The following MFSD6 variants were observed in gnomAD, a reference collection of about 807,000 sequenced individuals.
MFSD6 encodes major facilitator superfamily domain-containing protein 6.
Under a neutral mutation model 56.3 loss-of-function variants are expected in MFSD6, and 26 were observed. The ratio of observed to expected loss-of-function variants is 0.46; its 90% CI spans 0.34 to 0.64. The LOEUF (loss-of-function observed/expected upper bound fraction) is 0.64, where lower values mean the gene tolerates loss of function less well. Ranked by LOEUF, MFSD6 falls within the 30% of genes least tolerant of loss-of-function variation. The pLI is 0.01. For synonymous variants in MFSD6, 331 were observed against 366.9 expected, an observed-to-expected ratio of 0.90 and a Z score of 1.12; for missense variants, 750 against 986.2, an observed-to-expected ratio of 0.76 and a Z score of 3.21.
rs904695982 is a variant in MFSD6, at chr2:190,413,379, G to A, written c.-175-1913G>A. The stretch of plus-strand genomic sequence containing the variant: ...GAGATGTGGAAAAAAATTGAATTAA[G>A]GGGGGCAGAGATGTCTTTCTTTGAC... On this transcript the variant is annotated intron_variant, in intron 1 of 7. Transcript: ENST00000392328. The surrounding 1 kb of genome is among the most constrained non-coding windows in gnomAD (Gnocchi z 4.1). Among the ~76,000 whole-genome samples the A allele has an allele frequency of 2.6e-5, 4 of 152,180 alleles. No individual in the cohort carries two copies. The highest frequency in any genetic ancestry group is 2.6e-4 in the Admixed American group (4 of 15,286).
At chr2:190,468,084 T>G (rs1687700179) in intron 3 of MFSD6, among the ~76,000 whole-genome samples, 1 of 152,216 alleles carries the variant, frequency 6.6e-6, no homozygotes, top group Non-Finnish European at 1.5e-5. Context: ...TAGTATATTT[T>G]GCATTTTAAT....
intron 4 of MFSD6, among the ~76,000 whole-genome samples, chr2:190,474,679 C>A (rs1240496032): frequency 6.6e-6 from 1 of 152,168 alleles, no homozygotes; most frequent in Non-Finnish European, 1.5e-5. Context: ...CTATTCCAAT[C>A]AAGAGAAAAA....
In MFSD6 at chr2:190,413,551, A is replaced by C. The variant is rs529647504; in HGVS notation, c.-175-1741A>C. Among the ~76,000 whole-genome samples the C allele has an allele frequency of 6.6e-6, 1 of 152,276 alleles. No homozygotes were observed. The highest frequency in any genetic ancestry group is 2.4e-5 in the African/African-American group (1 of 41,572). On this transcript the variant is annotated intron_variant, in intron 1 of 7. Transcript: ENST00000392328. The surrounding 1 kb of genome is among the most constrained non-coding windows in gnomAD (Gnocchi z 4.1). ...ACCAAGAGTGGGATGGGGGAAAGAC[A>C]GGGAAAGACAGGGACACTATGAATC... is the stretch of plus-strand genomic sequence containing the variant.
rs1327808255 is a variant in MFSD6 at position 190,439,570 on chromosome 2, A to G, written c.1532+2009A>G. On this transcript the variant is annotated intron_variant, in intron 3 of 7. Coordinates refer to ENST00000392328, the MANE Select transcript of MFSD6 (RefSeq NM_017694.4). The surrounding 1 kb of genome is among the most constrained non-coding windows in gnomAD (Gnocchi z 5.8). ...ATGATAAAATCCTAGTGGGTTTACT[A>G]CTCCTTTGGTAAGCTTAGACTTGTG... Among the ~76,000 whole-genome samples the G allele has an allele frequency of 6.6e-6, 1 of 151,926 alleles. No homozygotes were observed. Among genetic ancestry groups the G allele is most frequent in the Non-Finnish European group, 1.5e-5 (1 of 68,000 alleles).
In MFSD6 at chr2:190,431,832, T is replaced by G. The variant is rs1686014540; in HGVS notation, c.-53-4145T>G. 6.6e-6 allele frequency among the ~76,000 whole-genome samples: 1 copy of G among 152,274 alleles called. No individual in the cohort carries two copies. The highest frequency in any genetic ancestry group is 2.4e-5 in the African/African-American group (1 of 41,480). On this transcript the variant is annotated intron_variant, in intron 2 of 7. Coordinates refer to ENST00000392328, the MANE Select transcript of MFSD6 (RefSeq NM_017694.4). This position sits in a 1 kb window ranked among gnomAD's most constrained non-coding sequence, Gnocchi z 4.4. ...TCATCTCAATTTTTCATTTATGCTA[T>G]AATACTTATAAATTCCAGAGCTTTT...
intron 3 of MFSD6, among the ~76,000 whole-genome samples, chr2:190,445,099 T>G (rs564950701): frequency 6.6e-6 from 1 of 152,302 alleles, no homozygotes; most frequent in South Asian, 2.1e-4. Context: ...TCCATCCTGC[T>G]TGTGCTCCTT....
In MFSD6 at chr2:190,459,053, C is replaced by T. The variant is rs773599036; in HGVS notation, c.1533-10705C>T. Among the ~76,000 whole-genome samples, 3 of 152,202 alleles carry T rather than the reference C, an allele frequency of 2.0e-5. No homozygotes were observed. The highest frequency in any genetic ancestry group is 1.9e-4 in the East Asian group (1 of 5,200). ...CCCCTCTTCAGTAGAAAAGCCCTTC[C>T]CATCCTTGAGTCTCACCTGCAGCTT... On this transcript the variant is annotated intron_variant, in intron 3 of 7. Coordinates refer to ENST00000392328, the MANE Select transcript of MFSD6 (RefSeq NM_017694.4). This position sits in a 1 kb window ranked among gnomAD's most constrained non-coding sequence, Gnocchi z 5.3.
chr2:190,442,573 A>C (rs756518827), intron 3 of MFSD6: 2 of 152,186 alleles, frequency 1.3e-5, no homozygotes, highest in Non-Finnish European at 2.9e-5. Flanking sequence ...CCTGAACTGC[A>C]GCAGTAGCAA....
In MFSD6 at chr2:190,491,188, G is replaced by A. The variant is rs1424155149; in HGVS notation, c.1891+1322G>A. Among the ~76,000 whole-genome samples, 1 of 152,228 alleles carries A rather than the reference G, an allele frequency of 6.6e-6. No individual in the cohort carries two copies. Among genetic ancestry groups the A allele is most frequent in the African/African-American group, 2.4e-5 (1 of 41,464 alleles). On this transcript the variant is annotated intron_variant, in intron 6 of 7. Transcript: ENST00000392328. The surrounding 1 kb of genome is among the most constrained non-coding windows in gnomAD (Gnocchi z 4.2). Reference sequence around the variant, plus strand: ...AAATTTTAACTCATCTTTGATTAGTGAGAATATGGTACTGGGTTAGTTTTT... The same window carrying A: ...AAATTTTAACTCATCTTTGATTAGTAAGAATATGGTACTGGGTTAGTTTTT...
rs1419309447 is a variant in MFSD6 at position 190,417,646 on chromosome 2, C to T, written c.-54+2233C>T. 6.6e-6 allele frequency among the ~76,000 whole-genome samples: 1 copy of T among 152,040 alleles called. No individual in the cohort carries two copies. Among genetic ancestry groups the T allele is most frequent in the Non-Finnish European group, 1.5e-5 (1 of 68,004 alleles). ...GTCCCTCAGCCTGGTATTCAAGGCC[C>T]TGTGCCATCTGTTGCTGTCTGGGTG... is the stretch of plus-strand genomic sequence containing the variant. On this transcript the variant is annotated intron_variant, in intron 2 of 7. Coordinates refer to ENST00000392328, the MANE Select transcript of MFSD6 (RefSeq NM_017694.4). The surrounding 1 kb of genome is among the most constrained non-coding windows in gnomAD (Gnocchi z 5.7).
rs1162677128 is a variant in MFSD6, at chr2:190,413,240, T to C, written c.-175-2052T>C. On this transcript the variant is annotated intron_variant, in intron 1 of 7. Transcript: ENST00000392328. This position sits in a 1 kb window ranked among gnomAD's most constrained non-coding sequence, Gnocchi z 4.1. ...AAGAGATGTGAGTGAGAGTTCTGTA[T>C]TACCTTGTGACCTGGTGGTCCTGCT... 1.3e-5 allele frequency among the ~76,000 whole-genome samples: 2 copies of C among 152,140 alleles called. No individual in the cohort carries two copies. The highest frequency in any genetic ancestry group is 4.8e-5 in the African/African-American group (2 of 41,424).
At position 190,412,394 on chromosome 2, in the gene MFSD6, G is replaced by C; in HGVS notation, c.-175-2898G>C. On this transcript the variant is annotated intron_variant, in intron 1 of 7. Coordinates refer to ENST00000392328, the MANE Select transcript of MFSD6 (RefSeq NM_017694.4). This position sits in a 1 kb window ranked among gnomAD's most constrained non-coding sequence, Gnocchi z 4.1. Reference sequence around the variant, plus strand: ...GGTTCTAATTATGTTTTAGGCAGAAGGAAATCTCCATCTTTTAATTTAGGA... The same window carrying C: ...GGTTCTAATTATGTTTTAGGCAGAACGAAATCTCCATCTTTTAATTTAGGA... The C allele has an allele frequency of 1.0e-6, 1 of 984,836 alleles. No individual in the cohort carries two copies. The highest frequency in any genetic ancestry group is 1.1e-4 in the East Asian group (1 of 8,818). The allele number at this position is 984,836 out of a possible 1,614,324, so 61.0% of individuals were successfully genotyped here. A position where few individuals can be genotyped will look rare whatever the true frequency, so the allele number is the denominator to read the frequency against.
In MFSD6 at chr2:190,418,005, T is replaced by TGTGTGTGA. The variant is rs1471953262; in HGVS notation, c.-54+2593_-54+2594insTGTGTGAG. 2.0e-5 allele frequency among the ~76,000 whole-genome samples: 3 copies of TGTGTGTGA among 149,910 alleles called. No homozygotes were observed. The highest frequency in any genetic ancestry group is 4.9e-5 in the African/African-American group (2 of 40,782). On this transcript the variant is annotated intron_variant, in intron 2 of 7. Transcript: ENST00000392328. This position sits in a 1 kb window ranked among gnomAD's most constrained non-coding sequence, Gnocchi z 4.1. Reference sequence around the variant, plus strand: ...GTGTGTGTGTGTGTGTGTGTGTATGTGAGAGAGAGAGAGATGTGGTTTATC... The same window carrying TGTGTGTGA: ...GTGTGTGTGTGTGTGTGTGTGTATGTGTGTGTGAGAGAGAGAGAGAGATGTGGTTTATC...
rs1687218554 is a variant in MFSD6 at position 190,459,632 on chromosome 2, A to G, written c.1533-10126A>G. Among the ~76,000 whole-genome samples the G allele has an allele frequency of 6.6e-6, 1 of 152,204 alleles. No individual in the cohort carries two copies. Among genetic ancestry groups the G allele is most frequent in the Admixed American group, 6.5e-5 (1 of 15,284 alleles). On this transcript the variant is annotated intron_variant, in intron 3 of 7. Coordinates refer to ENST00000392328, the MANE Select transcript of MFSD6 (RefSeq NM_017694.4). The surrounding 1 kb of genome is among the most constrained non-coding windows in gnomAD (Gnocchi z 5.3). ...TCTACCTGGAGATACACACAACTTA[A>G]GAAAAAAACAGATAAACTAAAATAA...
chr2:190,423,688 G>A lies in MFSD6; in HGVS notation c.-54+8275G>A, dbSNP rs185273094. 6.6e-6 allele frequency among the ~76,000 whole-genome samples: 1 copy of A among 152,274 alleles called. No homozygotes were observed. Among genetic ancestry groups the A allele is most frequent in the East Asian group, 1.9e-4 (1 of 5,178 alleles). ...AATTACTGGGTTTTATGGTAATCAT[G>A]TATTTAGTTTTATTAGAAACTGCTA... On this transcript the variant is annotated intron_variant, in intron 2 of 7. Transcript: ENST00000392328. This position sits in a 1 kb window ranked among gnomAD's most constrained non-coding sequence, Gnocchi z 4.3.
chr2:190,498,782 C>A lies in MFSD6; in HGVS notation c.2172+1063C>A, dbSNP rs1337010912. Among the ~76,000 whole-genome samples, 3 of 152,124 alleles carry A rather than the reference C, an allele frequency of 2.0e-5. No homozygotes were observed. The highest frequency in any genetic ancestry group is 4.4e-5 in the Non-Finnish European group (3 of 68,032). ...AGCAATATTTTCATTACTTTGTGTA[C>A]TCATCCTCATTTTCACAGAAGCCAC... On this transcript the variant is annotated intron_variant, in intron 7 of 7. Transcript: ENST00000392328. This position sits in a 1 kb window ranked among gnomAD's most constrained non-coding sequence, Gnocchi z 5.9.
chr2:190,488,233 C>A lies in MFSD6; in HGVS notation c.1631-424C>A, dbSNP rs1340841236. 2.6e-5 allele frequency among the ~76,000 whole-genome samples: 4 copies of A among 152,204 alleles called. No homozygotes were observed. The highest frequency in any genetic ancestry group is 5.9e-5 in the Non-Finnish European group (4 of 68,040). ...AGAATTTAAATCAAAGACTCAGATA[C>A]TTGCATACCAGGTTGATAGCAGCAT... On this transcript the variant is annotated intron_variant, in intron 4 of 7. Transcript: ENST00000392328. The surrounding 1 kb of genome is among the most constrained non-coding windows in gnomAD (Gnocchi z 6.4).
rs1575815641 is a variant in MFSD6, at chr2:190,416,972, T to C, written c.-54+1559T>C. On this transcript the variant is annotated intron_variant, in intron 2 of 7. Transcript: ENST00000392328. The surrounding 1 kb of genome is among the most constrained non-coding windows in gnomAD (Gnocchi z 4.1). ...CAGGTGCTTGTCAAAATAAACAGTATTGAGAGCTTACAGGGGTAAAGGGCA... is the reference window on the plus strand; with the variant it reads ...CAGGTGCTTGTCAAAATAAACAGTACTGAGAGCTTACAGGGGTAAAGGGCA... 6.6e-6 allele frequency among the ~76,000 whole-genome samples: 1 copy of C among 152,122 alleles called. No homozygotes were observed. The highest frequency in any genetic ancestry group is 2.4e-5 in the African/African-American group (1 of 41,400).
At position 190,469,874 on chromosome 2, in the gene MFSD6, T is replaced by C. The variant is rs768104375; in HGVS notation, c.1630+19T>C. 2 of 1,535,064 alleles carry C rather than the reference T, an allele frequency of 1.3e-6. No individual in the cohort carries two copies. Among genetic ancestry groups the C allele is most frequent in the Non-Finnish European group, 1.8e-6 (2 of 1,113,876 alleles). Reference sequence around the variant, plus strand: ...CTTCAAGGTAAGTTAACAGCTGGGATTGAAATTATTTCTCTGCCTTCCCTG... The same window carrying C: ...CTTCAAGGTAAGTTAACAGCTGGGACTGAAATTATTTCTCTGCCTTCCCTG... On this transcript the variant is annotated intron_variant, in intron 4 of 7. Coordinates refer to ENST00000392328, the MANE Select transcript of MFSD6 (RefSeq NM_017694.4). The surrounding 1 kb of genome is among the most constrained non-coding windows in gnomAD (Gnocchi z 5.3).
Sources: gnomAD v4.1 joint callset for allele counts (sites outside exome capture counted in the v4.1 genomes callset) on GRCh38, gnomAD v4.1.1 for gene constraint, Gnocchi (gnomAD v3.1) non-coding constraint, MANE v1.5 for transcripts, NCBI Gene and HGNC (gene_info 2026-07-23, HGNC 2026-07-21) for gene names.